The following SLC60A1 variants were observed in gnomAD, a reference collection of about 807,000 sequenced individuals.
The protein encoded by SLC60A1 is major facilitator superfamily domain containing 4.
chr1:205,591,757 C>CT, the SLC60A1 span, among the ~76,000 whole-genome samples: 7 of 152,190 alleles, frequency 4.6e-5, no homozygotes, highest in Non-Finnish European at 8.8e-5. Flanking sequence ...AGAGACTCTC[C>CT]TACCCCCAGG....
chr1:205,579,796 C>T, the SLC60A1 span: 1 of 1,614,216 alleles, frequency 6.2e-7, no homozygotes, highest in Middle Eastern at 1.6e-4. Flanking sequence ...CTCTGGCCAT[C>T]TCCCTGGTGT....
chr1:205,599,357 C>G, the SLC60A1 span: 4 of 1,375,544 alleles, frequency 2.9e-6, no homozygotes, highest in East Asian at 2.3e-5. Flanking sequence ...AAACGCTGCT[C>G]TGTTCCAAGT....
chr1:205,579,616 T>A, the SLC60A1 span: 4 of 992,730 alleles, frequency 4.0e-6, no homozygotes, highest in Non-Finnish European at 6.2e-6. Context: ...AGTGAGCAGC[T>A]TCTTCCTCAG....
the SLC60A1 span, among the ~76,000 whole-genome samples, chr1:205,574,777 A>G: frequency 2.0e-5 from 3 of 152,174 alleles, no homozygotes; most frequent in African/African-American, 7.2e-5. Context: ...AACAGACTGC[A>G]AGTTCAAGCT....
At chr1:205,579,830 G>A in the SLC60A1 span, 4 of 1,614,160 alleles carry the variant, frequency 2.5e-6, no homozygotes, top group Non-Finnish European at 3.4e-6. Context: ...CTTCTGCCGC[G>A]ACGTGAAGGT....
chr1:205,602,753 A>AGTT, the SLC60A1 span: 4 of 152,344 alleles, frequency 2.6e-5, no homozygotes, highest in East Asian at 5.8e-4. Context: ...ATGAAAAAGC[A>AGTT]GTTGTATTTT....
At chr1:205,586,222 A>C in the SLC60A1 span, 1 of 1,612,662 alleles carries the variant, frequency 6.2e-7, no homozygotes, top group South Asian at 1.1e-5. Context: ...GCAGCTGAAT[A>C]GCCTCCTCTC....
the SLC60A1 span, chr1:205,600,733 G>A: frequency 1.6e-5 from 7 of 428,818 alleles, no homozygotes; most frequent in South Asian, 2.0e-4. Context: ...GAAGGAGACA[G>A]CCGCGCGCTT....
the SLC60A1 span, among the ~76,000 whole-genome samples, chr1:205,569,710 C>CG: frequency 2.6e-5 from 4 of 152,064 alleles, no homozygotes; most frequent in African/African-American, 7.2e-5. Context: ...CCCCGGCTGC[C>CG]GGGGGCGGGA....
At chr1:205,595,350 T>C in the SLC60A1 span, among the ~76,000 whole-genome samples, 1 of 152,160 alleles carries the variant, frequency 6.6e-6, no homozygotes, top group African/African-American at 2.4e-5. Flanking sequence ...CCCTGCTCCA[T>C]CTCGCCCCTT....
At chr1:205,584,455 C>T in the SLC60A1 span, among the ~76,000 whole-genome samples, 1 of 150,730 alleles carries the variant, frequency 6.6e-6, no homozygotes, top group Non-Finnish European at 1.5e-5. Flanking sequence ...AACTCCTGAT[C>T]TCAGGTGATC....
chr1:205,584,746 C>T, the SLC60A1 span: 6 of 767,972 alleles, frequency 7.8e-6, no homozygotes, highest in South Asian at 1.5e-5. Flanking sequence ...ACAGAAAGGT[C>T]GTGAAAGTAG....
chr1:205,588,469 CAAAAA>C, the SLC60A1 span, among the ~76,000 whole-genome samples: 15 of 84,732 alleles, frequency 1.8e-4, no homozygotes, highest in African/African-American at 2.0e-4. Flanking sequence ...GACTTCAAAT[CAAAAA>C]AAAAAAAAAA....
At chr1:205,585,954 G>T in the SLC60A1 span, 1 of 1,467,740 alleles carries the variant, frequency 6.8e-7, no homozygotes, top group Non-Finnish European at 9.1e-7. The surrounding 1 kb of genome is among the most constrained non-coding windows in gnomAD (Gnocchi z 4.2). Context: ...CCCCACACCT[G>T]CCCAGCCTGG....
chr1:205,578,498 TA>T, the SLC60A1 span, among the ~76,000 whole-genome samples: 1 of 152,138 alleles, frequency 6.6e-6, no homozygotes, highest in Non-Finnish European at 1.5e-5. Context: ...TCATGATCGG[TA>T]ATCTCCCCAG....
chr1:205,571,371 C>T, the SLC60A1 span, among the ~76,000 whole-genome samples: 37 of 152,316 alleles, frequency 2.4e-4, no homozygotes, highest in African/African-American at 8.9e-4. Context: ...CTCTGCAGAT[C>T]AGGCACAGGT....
chr1:205,586,207 G>A, the SLC60A1 span: 1 of 1,613,120 alleles, frequency 6.2e-7, no homozygotes, highest in Non-Finnish European at 8.5e-7. Flanking sequence ...TCATCAACGT[G>A]GTAAGCAGCT....
the SLC60A1 span, chr1:205,600,512 C>A: frequency 1.3e-6 from 2 of 1,576,790 alleles, no homozygotes; most frequent in Non-Finnish European, 1.7e-6. Flanking sequence ...ATCACCAGCA[C>A]GACCATACTG....
chr1:205,569,549 T>C, the SLC60A1 span, among the ~76,000 whole-genome samples: 1 of 147,184 alleles, frequency 6.8e-6, no homozygotes, highest in South Asian at 2.2e-4. Flanking sequence ...ACTTCTGGCT[T>C]ATTTATTTGT....
Sources: allele counts gnomAD v4.1 joint callset (sites outside exome capture counted in the v4.1 genomes callset), GRCh38; gene constraint gnomAD v4.1.1; non-coding constraint Gnocchi (gnomAD v3.1); transcripts MANE v1.5; gene names NCBI Gene and HGNC (gene_info 2026-07-23, HGNC 2026-07-21).